The following DR1 variants were observed in gnomAD, a reference collection of about 807,000 sequenced individuals.
The protein encoded by DR1 is protein Dr1.
A neutral mutation model predicts 19.9 loss-of-function variants in DR1; 7 were observed. That is an observed-to-expected ratio of 0.35 (90% confidence interval 0.20 to 0.66). DR1 has a LOEUF of 0.66. DR1 is among the 30% of genes least tolerant of loss of function. The pLI is 0.66. For synonymous variants in DR1, 76 were observed against 72.5 expected (o/e 1.05, Z -0.24); for missense variants, 98 against 203.7 (o/e 0.48, Z 3.16).
At chr1:93,353,561 T>C (rs1666943328) in intron 1 of DR1, among the ~76,000 whole-genome samples, 1 of 152,218 alleles carries the variant, frequency 6.6e-6, no homozygotes, top group East Asian at 1.9e-4. Context: ...TGACACAAAA[T>C]GTTTTTTCTT....
At chr1:93,349,372 A>G (rs928145747) in intron 1 of DR1, among the ~76,000 whole-genome samples, 7 of 152,036 alleles carry the variant, frequency 4.6e-5, no homozygotes, top group Non-Finnish European at 1.0e-4. Context: ...AGGTGTTCCT[A>G]TTTTGTTGCA....
intron 1 of DR1, among the ~76,000 whole-genome samples, chr1:93,353,432 A>T (rs1236153601): frequency 2.6e-5 from 4 of 152,174 alleles, no homozygotes; most frequent in Non-Finnish European, 4.4e-5. Context: ...CAGTTTGAGT[A>T]TCTGCTAAAA....
rs1250549156 is a variant in DR1 at position 93,346,423 on chromosome 1, C to T, written c.-223C>T. 5 of 565,104 alleles carry T rather than the reference C, an allele frequency of 8.8e-6. No homozygotes were observed. Among genetic ancestry groups the T allele is most frequent in the Admixed American group, 6.1e-5 (2 of 32,736 alleles). The allele number at this position is 565,104 out of a possible 1,614,324, so 35.0% of individuals were successfully genotyped here. The stretch of plus-strand genomic sequence containing the variant: ...GCCTGGGCTGTGCTCTCTCTAGAAT[C>T]CTCGGGCCCCCACTTTCTTCCCAAA... On this transcript the variant is annotated 5_prime_UTR_variant, in exon 1 of 3. Transcript: ENST00000370272.
Position 93,346,470 on chromosome 1 carries a change from A to G in DR1, c.-176A>G. 1.6e-6 allele frequency: 1 copy of G among 606,104 alleles called. No homozygotes were observed. Among genetic ancestry groups the G allele is most frequent in the South Asian group, 2.0e-5 (1 of 50,284 alleles). 37.5% of individuals were successfully genotyped at this position (606,104 alleles called of 1,614,324 possible). A position where few individuals can be genotyped will look rare whatever the true frequency, so the allele number is the denominator to read the frequency against. On this transcript the variant is annotated 5_prime_UTR_variant, in exon 1 of 3. Transcript: ENST00000370272. ...CAAACTCATCCTAAATCTCTCACAC[A>G]CGCGAGTGTTCCCAGCCCTCAAGCC... is the stretch of plus-strand genomic sequence containing the variant.
chr1:93,350,767 G>A (rs1016810427), intron 1 of DR1, among the ~76,000 whole-genome samples: 1 of 152,066 alleles, frequency 6.6e-6, no homozygotes, highest in Non-Finnish European at 1.5e-5. Context: ...GAGATACACG[G>A]CATAGGGTGA....
chr1:93,359,277 G>T (rs1667027335), intron 2 of DR1, among the ~76,000 whole-genome samples: 1 of 152,146 alleles, frequency 6.6e-6, no homozygotes, highest in Non-Finnish European at 1.5e-5. Flanking sequence ...GTTATGCTGG[G>T]CATCACTGTT....
intron 1 of DR1, among the ~76,000 whole-genome samples, chr1:93,352,227 G>A (rs893875645): frequency 2.0e-5 from 3 of 152,064 alleles, no homozygotes; most frequent in Admixed American, 1.3e-4. Flanking sequence ...CTGCCACCAC[G>A]CCGGCCAATT....
chr1:93,356,928 G>A (rs776068472), intron 2 of DR1, among the ~76,000 whole-genome samples: 1 of 152,018 alleles, frequency 6.6e-6, no homozygotes, highest in Non-Finnish European at 1.5e-5. Flanking sequence ...CATCCTGCTG[G>A]CCAGGCTAGT....
rs1570714841 is a variant in DR1, at chr1:93,362,903, C to A, written c.*2264C>A. 2.0e-5 allele frequency: 1 copy of A among 50,566 alleles called. No homozygotes were observed. Among genetic ancestry groups the A allele is most frequent in the East Asian group, 5.2e-4 (1 of 1,912 alleles). 3.1% of individuals were successfully genotyped at this position (50,566 alleles called of 1,614,324 possible). ...TTTTGCCAGTTAAAATTTTTTAAATCTTTTGAAGAGAGAAACAAAATCTTC... is the reference window on the plus strand; with the variant it reads ...TTTTGCCAGTTAAAATTTTTTAAATATTTTGAAGAGAGAAACAAAATCTTC... On this transcript the variant is annotated 3_prime_UTR_variant, in exon 3 of 3. Transcript: ENST00000370272.
In DR1 at chr1:93,355,618, T is replaced by C. The variant is rs938489866; in HGVS notation, c.384+1547T>C. ...GTATTATCCTTGCCAGGGCAAAATA[T>C]AAAGAAATAATTGACTGCCTGCTAT... On this transcript the variant is annotated intron_variant, in intron 2 of 2. Coordinates refer to ENST00000370272, the MANE Select transcript of DR1 (RefSeq NM_001938.3). 5 of 152,238 alleles carry C rather than the reference T, an allele frequency of 3.3e-5. No individual in the cohort carries two copies. In the East Asian group the frequency reaches 7.7e-4, roughly 23 times the overall value. 9.4% of individuals were successfully genotyped at this position (152,238 alleles called of 1,614,324 possible).
chr1:93,351,958 T>C (rs1013944909), intron 1 of DR1, among the ~76,000 whole-genome samples: 2 of 152,214 alleles, frequency 1.3e-5, no homozygotes, highest in African/African-American at 4.8e-5. Flanking sequence ...GAGAAATACA[T>C]AGTCTGAGTT....
chr1:93,346,837 G>C lies in DR1; in HGVS notation c.192G>C (p.Lys64Asn). 1 of 1,612,994 alleles carries C rather than the reference G, an allele frequency of 6.2e-7. No individual in the cohort carries two copies. The highest frequency in any genetic ancestry group is 8.5e-7 in the Non-Finnish European group (1 of 1,179,514). Residue 64 changes from lysine (K) to asparagine (N), a missense_variant, in exon 1 of 3, where the codon AAG becomes AAC. Transcript: ENST00000370272. ...AGATTTGTAACAAATCGGAAAAGAA[G>C]ACCATCTCACCAGAGCATGTCATAC... ...ANEICNKSEK[K>N]TISPEHVIQA...
Position 93,358,897 on chromosome 1 carries a change from T to C in DR1, c.385-1596T>C, listed in dbSNP as rs12137143. Among the ~76,000 whole-genome samples, 1,271 of 152,286 alleles carry C rather than the reference T, an allele frequency of 8.3e-3. 11 individuals carry two copies. Among genetic ancestry groups the C allele is most frequent in the Non-Finnish European group, 0.011 (773 of 68,010 alleles). On this transcript the variant is annotated intron_variant, in intron 2 of 2. Coordinates refer to ENST00000370272, the MANE Select transcript of DR1 (RefSeq NM_001938.3). ...GGAGAAAATAGTATTTCAGTTTGACTTGAAGGAAGGGTAGAATTTCAGTAA... is the reference window on the plus strand; with the variant it reads ...GGAGAAAATAGTATTTCAGTTTGACCTGAAGGAAGGGTAGAATTTCAGTAA...
At chr1:93,349,210 G>A (rs1477300019) in intron 1 of DR1, among the ~76,000 whole-genome samples, 1 of 151,984 alleles carries the variant, frequency 6.6e-6, no homozygotes, top group Non-Finnish European at 1.5e-5. Context: ...TAAAATGCAA[G>A]TTAAAGTTGA....
In DR1 at chr1:93,361,955, A is replaced by G. The variant is rs192532641; in HGVS notation, c.*1316A>G. On this transcript the variant is annotated 3_prime_UTR_variant, in exon 3 of 3. Transcript: ENST00000370272. Reference sequence around the variant, plus strand: ...CATAATGTCTATATTTTGGAAACAGAAAGGAAAAGTCACTTAAGATAGTAT... The same window carrying G: ...CATAATGTCTATATTTTGGAAACAGGAAGGAAAAGTCACTTAAGATAGTAT... The G allele has an allele frequency of 6.6e-6, 1 of 152,648 alleles. No homozygotes were observed. The highest frequency in any genetic ancestry group is 2.4e-5 in the African/African-American group (1 of 41,580). The allele number at this position is 152,648 out of a possible 1,614,324, so 9.5% of individuals were successfully genotyped here. A position where few individuals can be genotyped will look rare whatever the true frequency, so the allele number is the denominator to read the frequency against.
In DR1 at chr1:93,346,724, C is replaced by G. The variant is rs1412070666; in HGVS notation, c.79C>G (p.Pro27Ala). 6.2e-7 allele frequency: 1 copy of G among 1,614,152 alleles called. No individual in the cohort carries two copies. Among genetic ancestry groups the G allele is most frequent in the East Asian group, 2.2e-5 (1 of 44,874 alleles). The change falls in exon 1 of 3, where the codon CCT (proline) becomes GCT (alanine). Residue 27 changes from proline (P) to alanine (A), a missense_variant. By Grantham distance (27) the Pro-to-Ala change is conservative (BLOSUM62 -1). Coordinates refer to ENST00000370272, the MANE Select transcript of DR1 (RefSeq NM_001938.3). Reference sequence around the variant, plus strand: ...CAATAAAATGATCAAAGAGACTCTTCCTAATGTCCGGGTGGCCAACGATGC... The same window carrying G: ...CAATAAAATGATCAAAGAGACTCTTGCTAATGTCCGGGTGGCCAACGATGC... ...AINKMIKETL[P>A]NVRVANDARE...
chr1:93,360,449 G>A (rs765062063), intron 2 of DR1, 44 bp from the exon 3 acceptor site: 3 of 1,504,564 alleles, frequency 2.0e-6, no homozygotes, highest in Admixed American at 2.7e-5. Context: ...TATATTGTGG[G>A]TTTGTAAAAA....
At chr1:93,356,975 G>T (rs953448613) in intron 2 of DR1, among the ~76,000 whole-genome samples, 4 of 152,088 alleles carry the variant, frequency 2.6e-5, no homozygotes, top group Admixed American at 1.3e-4. Flanking sequence ...GCCCACCTTG[G>T]CCTCCCACAG....
rs1342787318 is a variant in DR1, at chr1:93,345,944, C to T, written c.-702C>T. ...GGGAGCGGCTTCCTGCAAACCTTCC[C>T]TGGCATCTGGAGGGACCACCGTTGC... On this transcript the variant is annotated 5_prime_UTR_variant, in exon 1 of 3. Coordinates refer to ENST00000370272, the MANE Select transcript of DR1 (RefSeq NM_001938.3). The T allele has an allele frequency of 6.5e-6, 1 of 152,718 alleles. No homozygotes were observed. The highest frequency in any genetic ancestry group is 6.5e-5 in the Admixed American group (1 of 15,280). The allele number at this position is 152,718 out of a possible 1,614,324, so 9.5% of individuals were successfully genotyped here.
Sources: gnomAD v4.1 joint callset for allele counts (sites outside exome capture counted in the v4.1 genomes callset) on GRCh38, gnomAD v4.1.1 for gene constraint, MANE v1.5 for transcripts, NCBI Gene and HGNC (gene_info 2026-07-23, HGNC 2026-07-21) for gene names.